Variants in BRINP3 observed in about 807,000 individuals in gnomAD.
BRINP3 encodes BMP/retinoic acid inducible neural specific 3.
A neutral mutation model predicts 71.0 loss-of-function variants in BRINP3; 19 were observed. The ratio of observed to expected loss-of-function variants is 0.27; its 90% confidence interval spans 0.19 to 0.39. The LOEUF is 0.39. BRINP3 is among the 10% of genes least tolerant of loss of function. The probability of loss-of-function intolerance (pLI) is 1.00; values close to 1 mark genes in which losing one functional copy is unlikely to be tolerated. For synonymous variants in BRINP3, 380 were observed against 337.7 expected (o/e 1.13, Z -1.37); for missense variants, 959 against 940.8 (o/e 1.02, Z -0.25).
At chr1:190,320,697 T>A (rs889926439) in intron 2 of BRINP3, among the ~76,000 whole-genome samples, 2 of 151,278 alleles carry the variant, frequency 1.3e-5, no homozygotes, top group African/African-American at 4.9e-5. Flanking sequence ...ACACACTCAC[T>A]CACTCATACT....
At chr1:190,400,430 T>C (rs1022021030) in intron 2 of BRINP3, among the ~76,000 whole-genome samples, 1 of 152,162 alleles carries the variant, frequency 6.6e-6, no homozygotes, top group African/African-American at 2.4e-5. Context: ...AAAAAGTTAC[T>C]GGGTGATGTG....
intron 2 of BRINP3, among the ~76,000 whole-genome samples, chr1:190,401,136 T>G (rs1671892035): frequency 6.6e-6 from 1 of 151,808 alleles, no homozygotes; most frequent in Non-Finnish European, 1.5e-5. Context: ...GGCAGGCAAA[T>G]CACTTGAGGT....
intron 6 of BRINP3, among the ~76,000 whole-genome samples, chr1:190,174,573 T>A (rs530732867): frequency 6.6e-6 from 1 of 152,254 alleles, no homozygotes; most frequent in East Asian, 1.9e-4. Context: ...TGTAATAATA[T>A]GTAGCTAATT....
chr1:190,325,784 T>A (rs930544947), intron 2 of BRINP3, among the ~76,000 whole-genome samples: 1 of 152,118 alleles, frequency 6.6e-6, no homozygotes, highest in African/African-American at 2.4e-5. Flanking sequence ...CCAAAAATAT[T>A]TTTATCATTT....
intron 6 of BRINP3, among the ~76,000 whole-genome samples, chr1:190,185,737 A>T (rs1388503116): frequency 1.3e-5 from 2 of 152,200 alleles, no homozygotes; most frequent in African/African-American, 4.8e-5. Flanking sequence ...AAAATGTATA[A>T]TAGCTGAATA....
At chr1:190,196,910 A>G (rs548400538) in intron 6 of BRINP3, among the ~76,000 whole-genome samples, 3 of 150,264 alleles carry the variant, frequency 2.0e-5, no homozygotes, top group African/African-American at 4.9e-5. Flanking sequence ...AAATAAGCTC[A>G]TCGTTATTAT....
chr1:190,457,569 C>T (rs552840435), intron 1 of BRINP3, among the ~76,000 whole-genome samples: 1 of 152,130 alleles, frequency 6.6e-6, no homozygotes, highest in Non-Finnish European at 1.5e-5. Flanking sequence ...TTATAGAGGT[C>T]ACCTCATCAG....
At chr1:190,296,150 A>G (rs1340147551) in intron 2 of BRINP3, among the ~76,000 whole-genome samples, 1 of 151,038 alleles carries the variant, frequency 6.6e-6, no homozygotes, top group Non-Finnish European at 1.5e-5. Flanking sequence ...CTTTTCCCCT[A>G]TATTTTATTC....
At chr1:190,435,747 G>A (rs916069405) in intron 2 of BRINP3, among the ~76,000 whole-genome samples, 14 of 151,794 alleles carry the variant, frequency 9.2e-5, no homozygotes, top group African/African-American at 3.1e-4. Flanking sequence ...CTTCTTACCA[G>A]GATTTAGTTC....
At chr1:190,253,769 T>A (rs1660377441) in intron 4 of BRINP3, among the ~76,000 whole-genome samples, 1 of 152,128 alleles carries the variant, frequency 6.6e-6, no homozygotes, top group East Asian at 1.9e-4. Flanking sequence ...TTGCCGAAGT[T>A]CTTTAGTTTA....
In BRINP3 at chr1:190,150,268, G is replaced by GTA. The variant is rs375998148; in HGVS notation, c.1184+10399_1184+10400insTA. Among the ~76,000 whole-genome samples, 1,359 of 146,980 alleles carry GTA rather than the reference G, an allele frequency of 9.2e-3. 16 individuals carry two copies. The highest frequency in any genetic ancestry group is 0.03 in the African/African-American group (1,213 of 40,556). ...AGTTGGTATATATGTGCATATCTAT[G>GTA]TGTGTGTGTGTGTGTGTGTGTACAT... On this transcript the variant is annotated intron_variant, in intron 7 of 7. Coordinates refer to ENST00000367462, the MANE Select transcript of BRINP3 (RefSeq NM_199051.3).
intron 6 of BRINP3, among the ~76,000 whole-genome samples, chr1:190,190,045 A>G (rs1653897073): frequency 6.6e-6 from 1 of 152,178 alleles, no homozygotes; most frequent in Non-Finnish European, 1.5e-5. Context: ...GTCTGTGCTG[A>G]AGGCTGCCTG....
intron 6 of BRINP3, among the ~76,000 whole-genome samples, chr1:190,202,787 G>A (rs759623724): frequency 7.2e-5 from 11 of 152,000 alleles, no homozygotes; most frequent in African/African-American, 1.7e-4. Flanking sequence ...CTTGCCTTCC[G>A]CCATGATTGT....
intron 7 of BRINP3, among the ~76,000 whole-genome samples, chr1:190,137,778 G>A (rs979329281): frequency 2.0e-5 from 3 of 152,030 alleles, no homozygotes; most frequent in African/African-American, 7.2e-5. Context: ...AAGTAAGAAA[G>A]AGGAAACTAA....
At chr1:190,115,305 T>A (rs1184166507) in intron 7 of BRINP3, among the ~76,000 whole-genome samples, 1 of 152,178 alleles carries the variant, frequency 6.6e-6, no homozygotes, top group East Asian at 1.9e-4. Context: ...AGTAGAAACA[T>A]CTGTAGTTGA....
intron 7 of BRINP3, among the ~76,000 whole-genome samples, chr1:190,142,510 T>C (rs1655538070): frequency 6.6e-6 from 1 of 152,190 alleles, no homozygotes; most frequent in Non-Finnish European, 1.5e-5. Flanking sequence ...TCTATTTTAA[T>C]ACGTGTGTAT....
chr1:190,264,023 T>G (rs1661429581), intron 4 of BRINP3, among the ~76,000 whole-genome samples: 1 of 152,222 alleles, frequency 6.6e-6, no homozygotes, highest in Admixed American at 6.5e-5. Context: ...AAATGCTCTC[T>G]CTATATTATT....
chr1:190,443,373 C>G (rs1558291056), intron 2 of BRINP3, among the ~76,000 whole-genome samples: 1 of 147,120 alleles, frequency 6.8e-6, no homozygotes, highest in African/African-American at 2.5e-5. Context: ...CCTGGGCACT[C>G]TAGCCTGGGC....
At chr1:190,350,509 C>T (rs1352169920) in intron 2 of BRINP3, among the ~76,000 whole-genome samples, 3 of 152,036 alleles carry the variant, frequency 2.0e-5, no homozygotes, top group Admixed American at 1.3e-4. Context: ...ATGCTAAACT[C>T]AAAAGACAAA....
Sources: gnomAD v4.1 joint callset for allele counts (sites outside exome capture counted in the v4.1 genomes callset) on GRCh38, gnomAD v4.1.1 for gene constraint, MANE v1.5 for transcripts, NCBI Gene and HGNC (gene_info 2026-07-23, HGNC 2026-07-21) for gene names.